Variants in ITPR2 observed in about 807,000 individuals in gnomAD.
ITPR2 encodes the protein inositol 1,4,5-trisphosphate receptor type 2.
A neutral mutation model predicts 317.1 loss-of-function variants in ITPR2; 207 were observed. That is an observed-to-expected ratio of 0.65 (90% CI 0.58 to 0.73). The LOEUF (loss-of-function observed/expected upper bound fraction) is 0.73, where lower values mean the gene tolerates loss of function less well. Ranked by LOEUF, ITPR2 falls within the 30% of genes least tolerant of loss-of-function variation. The pLI is 0.00. For synonymous variants in ITPR2, 1,156 were observed against 1,149.1 expected, an observed-to-expected ratio of 1.01 and a Z score of -0.12; for missense variants, 2,613 against 3,284.0, an observed-to-expected ratio of 0.80 and a Z score of 4.99.
rs1003232391 is a variant in ITPR2 at position 26,811,474 on chromosome 12, G to A, written c.92+21216C>T. Among the ~76,000 whole-genome samples, 12 of 151,804 alleles carry A rather than the reference G, an allele frequency of 7.9e-5. No individual in the cohort carries two copies. The East Asian group carries it at 1.4e-3, about 17-fold the overall frequency. ...AAAATACAAAAAATTGGTTGGGCGCGGTGGCTCACGCCTGTAATCCCAGCA... is the reference window on the plus strand; with the variant it reads ...AAAATACAAAAAATTGGTTGGGCGCAGTGGCTCACGCCTGTAATCCCAGCA... On this transcript the variant is annotated intron_variant, in intron 1 of 56. Coordinates refer to ENST00000381340, the MANE Select transcript of ITPR2 (RefSeq NM_002223.4).
At chr12:26,485,691 A>G (rs1942649992) in intron 41 of ITPR2, among the ~76,000 whole-genome samples, 2 of 152,352 alleles carry the variant, frequency 1.3e-5, no homozygotes, top group Non-Finnish European at 2.9e-5. Context: ...ATACAAATAT[A>G]CTCAGTACTC....
intron 36 of ITPR2, among the ~76,000 whole-genome samples, chr12:26,554,378 T>C (rs1158495922): frequency 6.6e-6 from 1 of 152,222 alleles, no homozygotes. Context: ...GTAGCTACCA[T>C]ACTGGCACCC....
At chr12:26,382,818 AT>A (rs1403115616) in intron 55 of ITPR2, among the ~76,000 whole-genome samples, 2 of 152,238 alleles carry the variant, frequency 1.3e-5, no homozygotes, top group Admixed American at 6.5e-5. Context: ...GTATTACTTT[AT>A]TTACAATGTA....
At chr12:26,649,583 CATAG>C (rs1947194586) in intron 21 of ITPR2, 1 of 152,184 alleles carries the variant, frequency 6.6e-6, no homozygotes, top group Non-Finnish European at 1.5e-5. Context: ...TTTTTGCCCA[CATAG>C]ATATTCTCTA....
intron 2 of ITPR2, among the ~76,000 whole-genome samples, chr12:26,773,199 T>A (rs184781445): frequency 6.6e-6 from 1 of 152,330 alleles, no homozygotes; most frequent in East Asian, 1.9e-4. Context: ...TTTCCACATT[T>A]GTAAAACAAG....
intron 54 of ITPR2, among the ~76,000 whole-genome samples, chr12:26,396,831 C>T (rs1272019781): frequency 6.6e-6 from 1 of 152,190 alleles, no homozygotes; most frequent in Non-Finnish European, 1.5e-5. Flanking sequence ...CATCTATTCT[C>T]AAGCTCAATC....
At chr12:26,461,675 CACAT>C (rs1291586965) in intron 45 of ITPR2, among the ~76,000 whole-genome samples, 2 of 75,676 alleles carry the variant, frequency 2.6e-5, no homozygotes, top group East Asian at 6.7e-4. Context: ...TATATATGCA[CACAT>C]ACATATATAT....
At chr12:26,718,375 T>C (rs542887638) in intron 5 of ITPR2, among the ~76,000 whole-genome samples, 2 of 152,252 alleles carry the variant, frequency 1.3e-5, no homozygotes, top group Admixed American at 6.5e-5. Flanking sequence ...ATTTTAACTA[T>C]GTCCTTCCAA....
chr12:26,663,704 T>C lies in ITPR2; in HGVS notation c.1694A>G (p.Gln565Arg). 1 of 1,611,708 alleles carries C rather than the reference T, an allele frequency of 6.2e-7. No individual in the cohort carries two copies. The highest frequency in any genetic ancestry group is 8.5e-7 in the Non-Finnish European group (1 of 1,179,344). The change falls in exon 15 of 57, where the codon CAG becomes CGG. Residue 565 changes from glutamine (Q) to arginine (R), a missense_variant. Gln to Arg is a conservative substitution (Grantham distance 43). Coordinates refer to ENST00000381340, the MANE Select transcript of ITPR2 (RefSeq NM_002223.4). ...LCYRVLRHSQ[Q>R]DYRKNQEYIA... is the part of the protein sequence containing the mutation. Reference sequence around the variant, plus strand: ...TCTGACCTGATTTTTCCGGTAATCCTGCTGCGAGTGTCTCAGGACGCGGTA... The same window carrying C: ...TCTGACCTGATTTTTCCGGTAATCCCGCTGCGAGTGTCTCAGGACGCGGTA...
chr12:26,678,782 G>C lies in ITPR2; in HGVS notation c.1409+3092C>G, dbSNP rs11829857. ...AGGAAATAAAAATGCATGCTCTCTA[G>C]TCAGTCCTAGTCCACCACCTTCCTT... is the stretch of plus-strand genomic sequence containing the variant. On this transcript the variant is annotated intron_variant, in intron 13 of 56. Coordinates refer to ENST00000381340, the MANE Select transcript of ITPR2 (RefSeq NM_002223.4). Among the ~76,000 whole-genome samples the C allele has an allele frequency of 9.6e-3, 1,462 of 152,312 alleles. 26 individuals are homozygous for C. Among genetic ancestry groups the C allele is most frequent in the African/African-American group, 0.033 (1,370 of 41,566 alleles).
At chr12:26,574,991 G>A (rs1033014431) in intron 34 of ITPR2, among the ~76,000 whole-genome samples, 1 of 151,662 alleles carries the variant, frequency 6.6e-6, no homozygotes, top group Admixed American at 6.6e-5. Flanking sequence ...AGATCTGGAG[G>A]GGACAGACGT....
rs773124256 is a variant in ITPR2, at chr12:26,550,337, C to T, written c.4983G>A (p.Lys1661=). The T allele has an allele frequency of 2.1e-6, 3 of 1,430,692 alleles. No homozygotes were observed. Among genetic ancestry groups the T allele is most frequent in the South Asian group, 2.4e-5 (2 of 83,960 alleles). 88.6% of individuals were successfully genotyped at this position (1,430,692 alleles called of 1,614,324 possible). A position where few individuals can be genotyped will look rare whatever the true frequency, so the allele number is the denominator to read the frequency against. ...AFMSKLINHT[K]KLMEKEEKLC... is the part of the protein sequence containing the mutation. ...GTTTTTCTTCTTTCTCCATTAGTTT[C>T]TTTGTATGATTAATCAACCTTAAAG... The change falls in exon 37 of 57, where the codon AAG becomes AAA. Residue 1661 remains lysine, a synonymous_variant. Transcript: ENST00000381340.
rs1018265380 is a variant in ITPR2, at chr12:26,555,795, T to C, written c.4964+438A>G. ...TGAATCAGGCTGACCTCCCAGTCTC[T>C]GGGTGTTTATGCAGATTAGATAAAA... is the stretch of plus-strand genomic sequence containing the variant. On this transcript the variant is annotated intron_variant, in intron 36 of 56. Transcript: ENST00000381340. 2.0e-5 allele frequency among the ~76,000 whole-genome samples: 3 copies of C among 152,208 alleles called. No individual in the cohort carries two copies. In the East Asian group the frequency reaches 5.8e-4, roughly 29 times the overall value.
At chr12:26,463,097 C>T (rs1591805823) in intron 45 of ITPR2, among the ~76,000 whole-genome samples, 1 of 152,104 alleles carries the variant, frequency 6.6e-6, no homozygotes, top group South Asian at 2.1e-4. Flanking sequence ...GTGATCTGAC[C>T]TAAGTATTTT....
intron 1 of ITPR2, among the ~76,000 whole-genome samples, chr12:26,806,127 G>T (rs1950635875): frequency 6.6e-6 from 1 of 152,148 alleles, no homozygotes; most frequent in African/African-American, 2.4e-5. Flanking sequence ...AGCACAGCAG[G>T]AAATTTCAGA....
intron 31 of ITPR2, among the ~76,000 whole-genome samples, chr12:26,596,177 C>T (rs1247735943): frequency 6.6e-6 from 1 of 152,224 alleles, no homozygotes; most frequent in Non-Finnish European, 1.5e-5. Flanking sequence ...GGTCCTGCAG[C>T]ACTATCCTAG....
chr12:26,392,334 A>G (rs1226218985), intron 54 of ITPR2, among the ~76,000 whole-genome samples: 1 of 152,188 alleles, frequency 6.6e-6, no homozygotes, highest in Non-Finnish European at 1.5e-5. Context: ...CAGTTCTTGT[A>G]GTCATGCTGA....
At chr12:26,570,961 T>C (rs577740787) in intron 34 of ITPR2, among the ~76,000 whole-genome samples, 33 of 152,288 alleles carry the variant, frequency 2.2e-4, no homozygotes, top group Admixed American at 5.2e-4. Context: ...ATTTAGCTCA[T>C]TGAGGGCAGA....
At chr12:26,763,396 T>A (rs906063623) in intron 2 of ITPR2, among the ~76,000 whole-genome samples, 1 of 152,094 alleles carries the variant, frequency 6.6e-6, no homozygotes, top group East Asian at 1.9e-4. Context: ...AATAAAGGTA[T>A]GACTTTTTTT....
Sources: allele counts gnomAD v4.1 joint callset (sites outside exome capture counted in the v4.1 genomes callset), GRCh38; gene constraint gnomAD v4.1.1; transcripts MANE v1.5; gene names NCBI Gene and HGNC (gene_info 2026-07-23, HGNC 2026-07-21).